The following AMOTL1 variants were observed in gnomAD, a reference collection of about 807,000 sequenced individuals.
AMOTL1 encodes angiomotin-like protein 1.
AMOTL1 carries 45 observed loss-of-function variants against 102.9 expected under a neutral mutation model. The ratio of observed to expected loss-of-function variants is 0.44; its 90% CI spans 0.34 to 0.56. AMOTL1 has a LOEUF of 0.56. AMOTL1 is among the 20% of genes least tolerant of loss of function. AMOTL1 has a pLI of 0.01. For synonymous variants in AMOTL1, 481 were observed against 484.7 expected, an observed-to-expected ratio of 0.99 and a Z score of 0.10; for missense variants, 1,114 against 1,225.6, an observed-to-expected ratio of 0.91 and a Z score of 1.36.
intron 3 of AMOTL1, among the ~76,000 whole-genome samples, chr11:94,746,041 T>C (rs1387359883): frequency 6.6e-6 from 1 of 151,438 alleles, no homozygotes; most frequent in African/African-American, 2.4e-5. Context: ...CACCTTTGAA[T>C]TTTTATATCA....
At chr11:94,823,508 G>A (rs1243045078) in intron 4 of AMOTL1, among the ~76,000 whole-genome samples, 1 of 152,100 alleles carries the variant, frequency 6.6e-6, no homozygotes, top group Non-Finnish European at 1.5e-5. Context: ...TGAAAATTGG[G>A]AAGTGCAGAC....
At chr11:94,840,681 T>TATATATACACACACACAC (rs1166713705) in intron 6 of AMOTL1, among the ~76,000 whole-genome samples, 2 of 104,784 alleles carry the variant, frequency 1.9e-5, no homozygotes, top group African/African-American at 4.0e-5. Context: ...TATATATATA[T>TATATATACACACACACAC]ACACACACAC....
intron 8 of AMOTL1, 94 bp downstream of exon 8, chr11:94,854,176 T>A (rs985453399): frequency 1.6e-5 from 22 of 1,400,946 alleles, no homozygotes; most frequent in Non-Finnish European, 2.1e-5. Context: ...TGCACCTTGC[T>A]CCCAGGATTC....
chr11:94,855,197 C>T (rs1036802487), intron 8 of AMOTL1, among the ~76,000 whole-genome samples: 13 of 152,320 alleles, frequency 8.5e-5, no homozygotes, highest in African/African-American at 1.9e-4. Context: ...AACACTTGAG[C>T]GCATGCACTC....
In AMOTL1 at chr11:94,861,770, G is replaced by T. The variant is rs117100191; in HGVS notation, c.2135+2055G>T. ...TTCCACGTGTCATTGTTGTTTCAGC[G>T]TCTGTGGGTTTATCACGTTAGATGT... On this transcript the variant is annotated intron_variant, in intron 9 of 12. Transcript: ENST00000433060. 4.7e-4 allele frequency among the ~76,000 whole-genome samples: 71 copies of T among 152,314 alleles called. 1 individual carries two copies. The highest frequency in any genetic ancestry group is 8.4e-4 in the Non-Finnish European group (57 of 68,016).
intron 3 of AMOTL1, among the ~76,000 whole-genome samples, chr11:94,803,890 C>A (rs1951523620): frequency 6.6e-6 from 1 of 152,184 alleles, no homozygotes; most frequent in Non-Finnish European, 1.5e-5. Context: ...TAACATTTTT[C>A]CTGTACAAAT....
chr11:94,870,297 T>G (rs141385931), intron 12 of AMOTL1, among the ~76,000 whole-genome samples: 3 of 152,350 alleles, frequency 2.0e-5, no homozygotes, highest in South Asian at 2.1e-4. Context: ...GGTTGTTTAT[T>G]TCATTTTTCA....
At chr11:94,858,382 C>A (rs1463548443) in intron 8 of AMOTL1, among the ~76,000 whole-genome samples, 1 of 152,144 alleles carries the variant, frequency 6.6e-6, no homozygotes, top group Admixed American at 6.5e-5. Flanking sequence ...TGAATAAAAA[C>A]AAAATTTGGT....
chr11:94,799,266 A>C lies in AMOTL1; in HGVS notation c.200-124A>C. 1 of 822,302 alleles carries C rather than the reference A, an allele frequency of 1.2e-6. No homozygotes were observed. Among genetic ancestry groups the C allele is most frequent in the Non-Finnish European group, 1.9e-6 (1 of 538,702 alleles). 50.9% of individuals were successfully genotyped at this position (822,302 alleles called of 1,614,324 possible). A position where few individuals can be genotyped will look rare whatever the true frequency, so the allele number is the denominator to read the frequency against. On this transcript the variant is annotated intron_variant, in intron 2 of 12. Transcript: ENST00000433060. This position sits in a 1 kb window ranked among gnomAD's most constrained non-coding sequence, Gnocchi z 4.5. ...CATTGCCAGGTAAATGGAGGTGATG[A>C]TGCATTTGAAATCTTATTTTTAAAT... is the stretch of plus-strand genomic sequence containing the variant.
Position 94,859,536 on chromosome 11 carries a change from T to C in AMOTL1, c.1956T>C (p.Asn652=), listed in dbSNP as rs200567187. The C allele has an allele frequency of 2.8e-4, 445 of 1,612,008 alleles. 2 individuals carry two copies. The African/African-American group carries it at 5.4e-3, about 20-fold the overall frequency. The change falls in exon 9 of 13, where the codon AAT becomes AAC. Residue 652 remains asparagine (N), a synonymous_variant. Transcript: ENST00000433060. The part of the protein sequence containing the change: ...DALRTQQKHG[N]GQPANMPEYN... Reference sequence around the variant, plus strand: ...TTCTACTCCTTCAGAAACATGGAAATGGCCAGCCAGCCAACATGCCGGAAT... The same window carrying C: ...TTCTACTCCTTCAGAAACATGGAAACGGCCAGCCAGCCAACATGCCGGAAT...
intron 1 of AMOTL1, among the ~76,000 whole-genome samples, chr11:94,779,304 T>A (rs1027442434): frequency 1.3e-5 from 2 of 152,210 alleles, no homozygotes; most frequent in Admixed American, 1.3e-4. Context: ...CCCTCCCCAC[T>A]ACTTTACCTC....
chr11:94,830,224 A>ACTAC, intron 5 of AMOTL1, 30 bp downstream of exon 5: 1 of 1,568,998 alleles, frequency 6.4e-7, no homozygotes. Context: ...CTCTATCTAA[A>ACTAC]CTACCTGTAG....
intron 1 of AMOTL1, among the ~76,000 whole-genome samples, chr11:94,707,402 A>G (rs1328247536): frequency 6.6e-6 from 1 of 152,134 alleles, no homozygotes; most frequent in East Asian, 1.9e-4. Context: ...GGAAGGCTCA[A>G]TAAAGACATC....
At chr11:94,789,171 T>C (rs1230656843) in intron 1 of AMOTL1, among the ~76,000 whole-genome samples, 2 of 152,198 alleles carry the variant, frequency 1.3e-5, no homozygotes, top group Non-Finnish European at 2.9e-5. Flanking sequence ...TGTATTTTTA[T>C]TTTTTGAGAC....
intron 2 of AMOTL1, among the ~76,000 whole-genome samples, chr11:94,729,495 T>A (rs1408511262): frequency 6.6e-6 from 1 of 151,902 alleles, no homozygotes; most frequent in African/African-American, 2.4e-5. Context: ...ATAAACAGAG[T>A]AGGCCAGCTC....
In AMOTL1 at chr11:94,821,768, G is replaced by A. The variant is rs777399813; in HGVS notation, c.1360G>A (p.Val454Met). 4 of 1,613,916 alleles carry A rather than the reference G, an allele frequency of 2.5e-6. No individual in the cohort carries two copies. In the South Asian group the frequency reaches 3.3e-5, roughly 13 times the overall value. The change falls in exon 4 of 13, where the codon GTG becomes ATG. Residue 454 changes from valine (V) to methionine (M), a missense_variant. Val to Met is a conservative substitution (Grantham distance 21). Coordinates refer to ENST00000433060, the MANE Select transcript of AMOTL1 (RefSeq NM_130847.3). Reference protein sequence around the residue: ...MVEILTEENRVLHQELQGYYD... With the variant: ...MVEILTEENRMLHQELQGYYD... Reference sequence around the variant, plus strand: ...GGAGATATTAACAGAGGAGAACCGGGTGCTTCACCAGGAACTTCAGGGTTA... The same window carrying A: ...GGAGATATTAACAGAGGAGAACCGGATGCTTCACCAGGAACTTCAGGGTTA...
chr11:94,791,784 G>T (rs995356929), intron 1 of AMOTL1, among the ~76,000 whole-genome samples: 2 of 152,206 alleles, frequency 1.3e-5, no homozygotes, highest in Non-Finnish European at 2.9e-5. Flanking sequence ...CATGCCATAG[G>T]TTTATTTCCA....
intron 3 of AMOTL1, among the ~76,000 whole-genome samples, chr11:94,745,709 A>T (rs1950582725): frequency 6.6e-6 from 1 of 152,226 alleles, no homozygotes; most frequent in African/African-American, 2.4e-5. Flanking sequence ...TGTAAAGTCC[A>T]TGTATTGAAT....
At chr11:94,845,912 T>C (rs1280215152) in intron 6 of AMOTL1, among the ~76,000 whole-genome samples, 1 of 152,190 alleles carries the variant, frequency 6.6e-6, no homozygotes, top group East Asian at 1.9e-4. Context: ...TTCTAGGAAT[T>C]CTCAGTATAT....
Sources: allele counts gnomAD v4.1 joint callset (sites outside exome capture counted in the v4.1 genomes callset), GRCh38; gene constraint gnomAD v4.1.1; non-coding constraint Gnocchi (gnomAD v3.1); transcripts MANE v1.5; gene names NCBI Gene and HGNC (gene_info 2026-07-23, HGNC 2026-07-21).